CNTLN: variants seen among roughly 807,000 people sequenced by gnomAD.
The protein encoded by CNTLN is centlein.
Under a neutral mutation model 180.0 loss-of-function variants are expected in CNTLN, and 212 were observed. The ratio of observed to expected loss-of-function variants is 1.18; its 90% CI spans 1.05 to 1.32. The LOEUF (loss-of-function observed/expected upper bound fraction) is 1.32, where lower values mean the gene tolerates loss of function less well. Among genes scored for constraint, CNTLN ranks in the 40% most tolerant of loss-of-function variants. The pLI is 0.00. For synonymous variants in CNTLN, 722 were observed against 563.1 expected (o/e 1.28, Z -3.99); for missense variants, 2,095 against 1,610.9 (o/e 1.30, Z -5.14).
At chr9:17,388,130 G>T in intron 13 of CNTLN, 32 bp from the exon 14 acceptor site, 1 of 1,399,148 alleles carries the variant, frequency 7.1e-7, no homozygotes, top group South Asian at 1.2e-5. Flanking sequence ...CAGTACACGT[G>T]GTATCATAAT....
At chr9:17,474,482 C>T (rs543217776) in intron 23 of CNTLN, among the ~76,000 whole-genome samples, 1 of 152,302 alleles carries the variant, frequency 6.6e-6, no homozygotes, top group South Asian at 2.1e-4. Context: ...TGGTTACTAT[C>T]ACTTCTTGCT....
Position 17,386,631 on chromosome 9 carries a change from G to C in CNTLN, c.1988-1531G>C, listed in dbSNP as rs1294739379. Among the ~76,000 whole-genome samples the C allele has an allele frequency of 3.3e-5, 5 of 151,820 alleles. No individual in the cohort carries two copies. The East Asian group carries it at 9.6e-4, about 29-fold the overall frequency. On this transcript the variant is annotated intron_variant, in intron 13 of 25. Transcript: ENST00000380647. ...GCGTTCTGTATAAACCGGTGAAGGG[G>C]AGAAACAAACGTCAGCAGATAAGTA...
In CNTLN at chr9:17,487,005, A is replaced by T; in HGVS notation, c.4058A>T (p.Lys1353Ile). 6.3e-7 allele frequency: 1 copy of T among 1,578,282 alleles called. No homozygotes were observed. The change falls in exon 25 of 26, where the codon AAA (lysine) becomes ATA (isoleucine). Residue 1353 changes from lysine to isoleucine, a missense_variant. By Grantham distance (102) the Lys-to-Ile change is moderately radical (BLOSUM62 -3). Coordinates refer to ENST00000380647, the MANE Select transcript of CNTLN (RefSeq NM_017738.4). ...TEDQVEIEKT[K>I]IDAENDKEWM... ...TTTCTTCAGGAAATTGAAAAAACAA[A>T]AATTGATGCTGAAAATGACAAGGAA...
intron 13 of CNTLN, among the ~76,000 whole-genome samples, chr9:17,384,352 C>G (rs146716310): frequency 6.6e-6 from 1 of 150,742 alleles, no homozygotes; most frequent in Non-Finnish European, 1.5e-5. Context: ...AAGATACTTA[C>G]ATCGTCCTGG....
At chr9:17,475,702 C>G (rs1240484190) in intron 23 of CNTLN, among the ~76,000 whole-genome samples, 1 of 151,966 alleles carries the variant, frequency 6.6e-6, no homozygotes, top group Admixed American at 6.6e-5. Flanking sequence ...GAAACTCCGT[C>G]TCTACTATAA....
intron 2 of CNTLN, among the ~76,000 whole-genome samples, chr9:17,154,554 C>T (rs1445429797): frequency 6.6e-6 from 1 of 152,198 alleles, no homozygotes; most frequent in Non-Finnish European, 1.5e-5. Context: ...AGCCAGAACT[C>T]TCCTGTATGA....
rs41268971 is a variant in CNTLN, at chr9:17,415,849, A to G, written c.2858A>G (p.Gln953Arg). The G allele has an allele frequency of 4.4e-3, 7,047 of 1,612,872 alleles. 22 individuals are homozygous for G. The highest frequency in any genetic ancestry group is 5.5e-3 in the Non-Finnish European group (6,514 of 1,179,340). ...TTTCAAAAGAAGAATTGCAAGATGC[A>G]AAAGAGTTCACATACAGCAGTTCCT... The part of the protein sequence containing the change: ...PTFQKKNCKM[Q>R]KSSHTAVPTR... The change falls in exon 17 of 26, where the codon CAA becomes CGA. Residue 953 changes from glutamine to arginine, a missense_variant. Transcript: ENST00000380647.
chr9:17,297,213 G>T (rs189199991), intron 6 of CNTLN, among the ~76,000 whole-genome samples: 1 of 152,066 alleles, frequency 6.6e-6, no homozygotes, highest in African/African-American at 2.4e-5. Flanking sequence ...CATGTACTTT[G>T]TATTAGGTAT....
intron 2 of CNTLN, among the ~76,000 whole-genome samples, chr9:17,203,167 A>G (rs923048013): frequency 2.6e-5 from 4 of 152,158 alleles, no homozygotes; most frequent in South Asian, 2.1e-4. Context: ...ATTGGTCTTC[A>G]CTCTGTTCTG....
intron 18 of CNTLN, among the ~76,000 whole-genome samples, chr9:17,419,205 A>T (rs1043015417): frequency 1.3e-5 from 2 of 152,162 alleles, no homozygotes; most frequent in African/African-American, 4.8e-5. Context: ...GCTAAATGGT[A>T]TACTAGGTAA....
At chr9:17,370,757 G>A (rs1410571253) in intron 13 of CNTLN, among the ~76,000 whole-genome samples, 1 of 151,990 alleles carries the variant, frequency 6.6e-6, no homozygotes, top group Non-Finnish European at 1.5e-5. Context: ...TCAAGACATA[G>A]TATAATAAGA....
At chr9:17,139,897 G>T (rs1026070261) in intron 1 of CNTLN, among the ~76,000 whole-genome samples, 1 of 152,036 alleles carries the variant, frequency 6.6e-6, no homozygotes, top group Non-Finnish European at 1.5e-5. Flanking sequence ...TAGAGATGGG[G>T]TCTCTGTCTC....
At chr9:17,293,078 C>G (rs187574601) in intron 6 of CNTLN, among the ~76,000 whole-genome samples, 26 of 152,310 alleles carry the variant, frequency 1.7e-4, no homozygotes, top group Admixed American at 3.9e-4. Context: ...TCACTTGGGT[C>G]CCTTCTGCAC....
At chr9:17,174,953 G>A (rs779192722) in intron 2 of CNTLN, among the ~76,000 whole-genome samples, 35 of 152,056 alleles carry the variant, frequency 2.3e-4, no homozygotes, top group Admixed American at 2.0e-4. Flanking sequence ...TGTCCTCTTC[G>A]ATGAGGACAT....
intron 8 of CNTLN, among the ~76,000 whole-genome samples, chr9:17,316,233 T>C (rs1819532303): frequency 1.3e-5 from 2 of 152,078 alleles, no homozygotes; most frequent in Non-Finnish European, 2.9e-5. Context: ...GTCTATTTTG[T>C]CTGATATTAA....
chr9:17,253,145 C>G (rs998213986), intron 5 of CNTLN, among the ~76,000 whole-genome samples: 1 of 151,762 alleles, frequency 6.6e-6, no homozygotes, highest in African/African-American at 2.4e-5. Flanking sequence ...ATATTTATAC[C>G]AACACCATGC....
intron 6 of CNTLN, among the ~76,000 whole-genome samples, chr9:17,288,736 G>A: frequency 1.4e-5 from 2 of 138,180 alleles, no homozygotes; most frequent in African/African-American, 6.0e-5. Flanking sequence ...TCTTCTTGTT[G>A]AATTGATCCC....
intron 3 of CNTLN, among the ~76,000 whole-genome samples, chr9:17,230,411 C>T (rs1218428751): frequency 1.4e-5 from 2 of 147,926 alleles, no homozygotes; most frequent in East Asian, 2.0e-4. Flanking sequence ...GGAGAGGAAG[C>T]GGTCTGTAGT....
At position 17,135,057 on chromosome 9, in the gene CNTLN, G is replaced by T; in HGVS notation, c.-9G>T. 6.3e-7 allele frequency: 1 copy of T among 1,592,624 alleles called. No homozygotes were observed. ...CAACAGGGAACTTGACCCGTTAGCAGCCGCAGCCATGGCGGCGCGTTCGCC... is the reference window on the plus strand; with the variant it reads ...CAACAGGGAACTTGACCCGTTAGCATCCGCAGCCATGGCGGCGCGTTCGCC... On this transcript the variant is annotated 5_prime_UTR_variant, in exon 1 of 26. Coordinates refer to ENST00000380647, the MANE Select transcript of CNTLN (RefSeq NM_017738.4).
Sources: allele counts gnomAD v4.1 joint callset (sites outside exome capture counted in the v4.1 genomes callset), GRCh38; gene constraint gnomAD v4.1.1; transcripts MANE v1.5; gene names NCBI Gene and HGNC (gene_info 2026-07-23, HGNC 2026-07-21).